Variants in AUTS2 observed in about 807,000 individuals in gnomAD.
The protein encoded by AUTS2 is activator of transcription and developmental regulator AUTS2.
A neutral mutation model predicts 112.4 loss-of-function variants in AUTS2; 17 were observed. The observed-to-expected ratio is 0.15, with a 90% CI of 0.10 to 0.23. The LOEUF (loss-of-function observed/expected upper bound fraction) is 0.23. Among genes scored for constraint, AUTS2 ranks in the 10% least tolerant of loss-of-function variants. The pLI is 1.00. For missense variants in AUTS2, 1,510 were observed against 1,701.6 expected (o/e 0.89, Z 1.98); for synonymous variants, 751 against 702.7 (o/e 1.07, Z -1.09).
Position 70,735,586 on chromosome 7 carries a change from T to A in AUTS2, c.743-27284T>A, listed in dbSNP as rs1009084002. Among the ~76,000 whole-genome samples the A allele has an allele frequency of 2.0e-5, 3 of 152,160 alleles. No individual in the cohort carries two copies. In the South Asian group the frequency reaches 6.2e-4, roughly 32 times the overall value. On this transcript the variant is annotated intron_variant, in intron 6 of 18. Transcript: ENST00000342771. The stretch of plus-strand genomic sequence containing the variant: ...CGGGTGCATCACCCTGTCTTCCTCA[T>A]TCCCTGTGTCAGGGAATGCATCGGT...
chr7:70,214,937 A>G (rs1193243169), intron 4 of AUTS2, among the ~76,000 whole-genome samples: 1 of 152,192 alleles, frequency 6.6e-6, no homozygotes, highest in Admixed American at 6.5e-5. Context: ...ACCGTAGATG[A>G]TATCCAGAAG....
intron 1 of AUTS2, among the ~76,000 whole-genome samples, chr7:69,821,366 T>C (rs538370951): frequency 7.2e-5 from 11 of 152,082 alleles, no homozygotes; most frequent in Non-Finnish European, 1.3e-4. Context: ...ACTCTGTGTC[T>C]AGCTAAAGGA....
chr7:69,685,046 G>A (rs1264612708), intron 1 of AUTS2, among the ~76,000 whole-genome samples: 1 of 152,134 alleles, frequency 6.6e-6, no homozygotes, highest in African/African-American at 2.4e-5. Flanking sequence ...AAACTTTAGT[G>A]ACTCCACACC....
chr7:70,259,393 C>T (rs756580629), intron 4 of AUTS2, among the ~76,000 whole-genome samples: 1 of 151,918 alleles, frequency 6.6e-6, no homozygotes, highest in Non-Finnish European at 1.5e-5. Context: ...ATATGTTCCA[C>T]CTCATCAAAA....
At chr7:70,632,766 A>T (rs1805330106) in intron 5 of AUTS2, among the ~76,000 whole-genome samples, 1 of 152,036 alleles carries the variant, frequency 6.6e-6, no homozygotes, top group Non-Finnish European at 1.5e-5. Context: ...CCCACAGCTC[A>T]TGCCATTAAT....
At chr7:70,394,790 A>G (rs957873639) in intron 4 of AUTS2, among the ~76,000 whole-genome samples, 6 of 151,886 alleles carry the variant, frequency 4.0e-5, no homozygotes, top group Non-Finnish European at 5.9e-5. Context: ...CATAAAAGCT[A>G]CTATTAGCCA....
At chr7:70,334,299 T>C (rs1790892059) in intron 4 of AUTS2, among the ~76,000 whole-genome samples, 1 of 152,160 alleles carries the variant, frequency 6.6e-6, no homozygotes, top group African/African-American at 2.4e-5. Context: ...CCAGCATGAA[T>C]GGGTGTTGAA....
intron 4 of AUTS2, among the ~76,000 whole-genome samples, chr7:70,135,855 AG>A (rs1184375714): frequency 6.6e-6 from 1 of 152,294 alleles, no homozygotes; most frequent in East Asian, 1.9e-4. Context: ...TCTTCACACC[AG>A]GCTGGATGTA....
intron 5 of AUTS2, among the ~76,000 whole-genome samples, chr7:70,664,779 G>T (rs1478467917): frequency 1.3e-5 from 2 of 152,094 alleles, no homozygotes; most frequent in African/African-American, 4.8e-5. Flanking sequence ...CCTTGAAATT[G>T]CTGATATTTG....
intron 5 of AUTS2, among the ~76,000 whole-genome samples, chr7:70,647,688 G>A (rs1806247119): frequency 6.6e-6 from 1 of 152,066 alleles, no homozygotes; most frequent in African/African-American, 2.4e-5. Flanking sequence ...CTGCCAACTG[G>A]GTATCATACC....
rs1791810429 is a variant in AUTS2 at position 70,790,152 on chromosome 7, A to T, written c.2936A>T (p.Glu979Val). The change falls in exon 19 of 19, where the codon GAG (glutamate) becomes GTG (valine). Residue 979 changes from glutamate to valine, a missense_variant. Glu to Val is a moderately radical substitution (Grantham distance 121). Transcript: ENST00000342771. This position sits in a 1 kb window ranked among gnomAD's most constrained non-coding sequence, Gnocchi z 7.6. ...PAYENPKKSS[E>V]VKVKEERKED... is the part of the protein sequence containing the mutation. ...TACGAGAACCCCAAGAAGAGCTCCG[A>T]GGTCAAGGTGAAGGAGGAGCGGAAG... 2 of 1,611,412 alleles carry T rather than the reference A, an allele frequency of 1.2e-6. No homozygotes were observed. Among genetic ancestry groups the T allele is most frequent in the Admixed American group, 3.3e-5 (2 of 59,868 alleles).
At chr7:70,059,214 G>GT (rs879870282) in intron 2 of AUTS2, among the ~76,000 whole-genome samples, 1 of 152,062 alleles carries the variant, frequency 6.6e-6, no homozygotes, top group Non-Finnish European at 1.5e-5. Context: ...TTTTTCCATA[G>GT]TTTCGCCTTC....
At chr7:70,583,003 C>CCTTT (rs1802520233) in intron 5 of AUTS2, among the ~76,000 whole-genome samples, 2 of 152,246 alleles carry the variant, frequency 1.3e-5, no homozygotes, top group South Asian at 4.1e-4. Flanking sequence ...CAGTGTAGTA[C>CCTTT]TGTATCTTTA....
chr7:70,770,994 C>T lies in AUTS2; in HGVS notation c.1735-555C>T, dbSNP rs558532623. On this transcript the variant is annotated intron_variant, in intron 10 of 18. Coordinates refer to ENST00000342771, the MANE Select transcript of AUTS2 (RefSeq NM_015570.4). ...TTTTAGATGAGAGAATTAAATTGTC[C>T]TCTGGAACTGCCACTTCTGCAACAA... is the stretch of plus-strand genomic sequence containing the variant. Among the ~76,000 whole-genome samples, 154 of 152,006 alleles carry T rather than the reference C, an allele frequency of 1.0e-3. 1 individual carries two copies. The highest frequency in any genetic ancestry group is 4.4e-3 in the South Asian group (21 of 4,782).
chr7:69,934,266 A>G (rs2086253281), intron 2 of AUTS2, among the ~76,000 whole-genome samples: 2 of 152,180 alleles, frequency 1.3e-5, no homozygotes, highest in Admixed American at 6.5e-5. Flanking sequence ...AGGAGTTTCT[A>G]CAATGCAGCT....
intron 1 of AUTS2, among the ~76,000 whole-genome samples, chr7:69,689,329 T>C (rs1321511129): frequency 6.7e-6 from 1 of 148,448 alleles, no homozygotes; most frequent in Non-Finnish European, 1.5e-5. Flanking sequence ...ACCTTTTAAT[T>C]AATTAATTAA....
chr7:70,059,316 C>T (rs1381372814), intron 2 of AUTS2, among the ~76,000 whole-genome samples: 2 of 152,110 alleles, frequency 1.3e-5, no homozygotes, highest in African/African-American at 2.4e-5. Context: ...TAAGGTCCTC[C>T]GTGTCTTTTA....
intron 2 of AUTS2, among the ~76,000 whole-genome samples, chr7:69,956,955 T>A (rs572973827): frequency 6.6e-6 from 1 of 152,002 alleles, no homozygotes; most frequent in Non-Finnish European, 1.5e-5. Context: ...CTCAACCTCC[T>A]GGGCACAGGT....
chr7:69,606,131 T>C (rs959503168), intron 1 of AUTS2, among the ~76,000 whole-genome samples: 16 of 152,084 alleles, frequency 1.1e-4, no homozygotes, highest in African/African-American at 3.6e-4. Context: ...ATCCTGAGAG[T>C]AGTGTTCTGT....
Sources: allele counts gnomAD v4.1 joint callset (sites outside exome capture counted in the v4.1 genomes callset), GRCh38; gene constraint gnomAD v4.1.1; non-coding constraint Gnocchi (gnomAD v3.1); transcripts MANE v1.5; gene names NCBI Gene and HGNC (gene_info 2026-07-23, HGNC 2026-07-21).